Variants in GALNT2 observed in about 807,000 individuals in gnomAD.
GALNT2 encodes UDP-GalNAc:polypeptide N-acetylgalactosaminyltransferase 2.
Under a neutral mutation model 81.4 loss-of-function variants are expected in GALNT2, and 31 were observed. The ratio of observed to expected loss-of-function variants is 0.38; its 90% confidence interval spans 0.29 to 0.51. The LOEUF is 0.51. Ranked by LOEUF, GALNT2 falls within the 20% of genes least tolerant of loss-of-function variation. The pLI, the probability that GALNT2 is intolerant of heterozygous loss-of-function variation, is 0.87. For missense variants in GALNT2, 629 were observed against 765.7 expected (o/e 0.82, Z 2.11); for synonymous variants, 303 against 287.4 (o/e 1.05, Z -0.55).
intron 13 of GALNT2, 116 bp downstream of exon 13, chr1:230,263,121 G>T: frequency 1.2e-6 from 1 of 807,358 alleles, no homozygotes; most frequent in South Asian, 1.5e-5. Flanking sequence ...GGGCACCTGG[G>T]CCCCAGTGAG....
At chr1:230,274,811 C>T (rs1233383168) in intron 15 of GALNT2, among the ~76,000 whole-genome samples, 1 of 152,076 alleles carries the variant, frequency 6.6e-6, no homozygotes, top group African/African-American at 2.4e-5. Flanking sequence ...GAGAAATTAT[C>T]TACTTTTGTT....
chr1:230,186,084 G>C lies in GALNT2; in HGVS notation c.220+7773G>C, dbSNP rs72649526. ...TATTCAGCTTTTTACTGTTAGGACG[G>C]AATAACGACTTTCAAGCTCCTTACA... On this transcript the variant is annotated intron_variant, in intron 2 of 15. Coordinates refer to ENST00000366672, the MANE Select transcript of GALNT2 (RefSeq NM_004481.5). Among the ~76,000 whole-genome samples, 891 of 152,350 alleles carry C rather than the reference G, an allele frequency of 5.8e-3. 6 individuals carry two copies. Among genetic ancestry groups the C allele is most frequent in the Non-Finnish European group, 9.7e-3 (663 of 68,040 alleles).
At chr1:230,200,464 T>C (rs1663855807) in intron 2 of GALNT2, among the ~76,000 whole-genome samples, 2 of 152,220 alleles carry the variant, frequency 1.3e-5, no homozygotes, top group South Asian at 4.1e-4. Context: ...CCCTGCAGGA[T>C]CTAGCATGAC....
intron 1 of GALNT2, among the ~76,000 whole-genome samples, chr1:230,069,569 C>A (rs921817934): frequency 6.6e-6 from 1 of 152,120 alleles, no homozygotes; most frequent in Non-Finnish European, 1.5e-5. Context: ...AAGATGGTTT[C>A]TGAAGGAGGT....
At chr1:230,213,476 A>G (rs556074552) in intron 3 of GALNT2, among the ~76,000 whole-genome samples, 1 of 152,208 alleles carries the variant, frequency 6.6e-6, no homozygotes, top group Non-Finnish European at 1.5e-5. Context: ...TTTGCATGGT[A>G]TACATTTTCC....
chr1:230,204,168 C>CTTTTTCT (rs1663991483), intron 3 of GALNT2, among the ~76,000 whole-genome samples: 1 of 125,978 alleles, frequency 7.9e-6, no homozygotes, highest in Non-Finnish European at 1.6e-5. Context: ...TTTTCTTTTT[C>CTTTTTCT]TTTTTTTTTT....
intron 1 of GALNT2, among the ~76,000 whole-genome samples, chr1:230,128,707 G>T (rs1441676542): frequency 6.6e-6 from 1 of 152,110 alleles, no homozygotes; most frequent in African/African-American, 2.4e-5. Flanking sequence ...CTGAGTGTTG[G>T]CTGGGAGGCA....
chr1:230,270,459 C>T (rs181086577), intron 14 of GALNT2, among the ~76,000 whole-genome samples: 1 of 152,338 alleles, frequency 6.6e-6, no homozygotes, highest in Admixed American at 6.5e-5. Flanking sequence ...CACATTGTGG[C>T]AACTGGGCAC....
intron 1 of GALNT2, among the ~76,000 whole-genome samples, chr1:230,165,287 G>T (rs1662567431): frequency 6.6e-6 from 1 of 151,968 alleles, no homozygotes; most frequent in African/African-American, 2.4e-5. Flanking sequence ...TTCATTTAAC[G>T]TAAGCATTTT....
intron 1 of GALNT2, among the ~76,000 whole-genome samples, chr1:230,158,479 T>C (rs142150345): frequency 6.6e-6 from 1 of 152,374 alleles, no homozygotes; most frequent in East Asian, 1.9e-4. Flanking sequence ...TGAGGCACTT[T>C]GCCAAACTTT....
chr1:230,199,465 G>A (rs1390689471), intron 2 of GALNT2, among the ~76,000 whole-genome samples: 3 of 152,234 alleles, frequency 2.0e-5, no homozygotes, highest in South Asian at 2.1e-4. Flanking sequence ...ATTAGGTGGT[G>A]AAGCCAGTTT....
chr1:230,224,386 G>T (rs1165147531), intron 3 of GALNT2, among the ~76,000 whole-genome samples: 1 of 152,216 alleles, frequency 6.6e-6, no homozygotes, highest in Non-Finnish European at 1.5e-5. Flanking sequence ...AGTGGGACCT[G>T]GCAGCTGAAG....
At chr1:230,173,022 G>C (rs1308284073) in intron 1 of GALNT2, among the ~76,000 whole-genome samples, 1 of 152,136 alleles carries the variant, frequency 6.6e-6, no homozygotes, top group African/African-American at 2.4e-5. Flanking sequence ...TCTGTTGTGT[G>C]CATTTGTAAG....
chr1:230,103,369 A>G (rs1430563233), intron 1 of GALNT2, among the ~76,000 whole-genome samples: 1 of 152,198 alleles, frequency 6.6e-6, no homozygotes, highest in Non-Finnish European at 1.5e-5. Context: ...AGTCATGCAA[A>G]GATGATTATT....
chr1:230,162,516 C>T (rs1343086793), intron 1 of GALNT2, among the ~76,000 whole-genome samples: 3 of 152,128 alleles, frequency 2.0e-5, no homozygotes, highest in Non-Finnish European at 4.4e-5. Context: ...TCCTTCTCCC[C>T]AAGGCTGCCC....
At chr1:230,198,705 A>G (rs1663789138) in intron 2 of GALNT2, among the ~76,000 whole-genome samples, 1 of 152,192 alleles carries the variant, frequency 6.6e-6, no homozygotes, top group South Asian at 2.1e-4. Flanking sequence ...CGGAATAATC[A>G]GCTGTAAGCT....
chr1:230,222,031 C>CTTTTTTTTTTTTTTTTTT (rs564681409), intron 3 of GALNT2, among the ~76,000 whole-genome samples: 3,227 of 95,474 alleles, frequency 0.034, 755 homozygotes, highest in African/African-American at 0.073. Context: ...CTGCTTTTCT[C>CTTTTTTTTTTTTTTTTTT]TTTTTTTTTT....
At chr1:230,090,080 G>A (rs565671582) in intron 1 of GALNT2, among the ~76,000 whole-genome samples, 1 of 152,286 alleles carries the variant, frequency 6.6e-6, no homozygotes, top group African/African-American at 2.4e-5. Flanking sequence ...TTTGATAGTA[G>A]CCATCCTAAT....
chr1:230,162,669 C>CT (rs1175837924), intron 1 of GALNT2, among the ~76,000 whole-genome samples: 1 of 152,210 alleles, frequency 6.6e-6, no homozygotes, highest in Non-Finnish European at 1.5e-5. Context: ...TATGTAAATA[C>CT]TGTTTATAAA....
Sources: allele counts gnomAD v4.1 joint callset (sites outside exome capture counted in the v4.1 genomes callset), GRCh38; gene constraint gnomAD v4.1.1; transcripts MANE v1.5; gene names NCBI Gene and HGNC (gene_info 2026-07-23, HGNC 2026-07-21).